Variants in GALNT13 observed in about 807,000 individuals in gnomAD.
GALNT13 encodes polypeptide N-acetylgalactosaminyltransferase 13, also known as UDP-GalNAc:polypeptide N-acetylgalactosaminyltransferase 13.
A neutral mutation model predicts 64.2 loss-of-function variants in GALNT13; 28 were observed. That is an observed-to-expected ratio of 0.44 (90% CI 0.32 to 0.60). GALNT13 has a LOEUF of 0.60. Among genes scored for constraint, GALNT13 ranks in the 20% least tolerant of loss-of-function variants. The pLI, the probability that GALNT13 is intolerant of heterozygous loss-of-function variation, is 0.05. For synonymous variants in GALNT13, 214 were observed against 224.6 expected (o/e 0.95, Z 0.42); for missense variants, 577 against 669.8 (o/e 0.86, Z 1.53).
chr2:153,739,484 G>A, the GALNT13 span, among the ~76,000 whole-genome samples: 3 of 143,290 alleles, frequency 2.1e-5, no homozygotes, highest in East Asian at 4.1e-4. Flanking sequence ...TTTCATCTTT[G>A]GTCTTCTTGA....
intron 3 of GALNT13, among the ~76,000 whole-genome samples, chr2:154,076,391 G>C (rs1558944569): frequency 6.6e-6 from 1 of 151,614 alleles, no homozygotes; most frequent in Non-Finnish European, 1.5e-5. Flanking sequence ...TGCACAAAGA[G>C]GGTGGCAAAT....
chr2:153,832,422 A>G, the GALNT13 span, among the ~76,000 whole-genome samples: 20 of 152,180 alleles, frequency 1.3e-4, no homozygotes, highest in African/African-American at 4.3e-4. Flanking sequence ...AAGTGGAGTT[A>G]TCATGGGATT....
the GALNT13 span, among the ~76,000 whole-genome samples, chr2:153,394,765 T>C: frequency 1.3e-5 from 2 of 152,288 alleles, no homozygotes; most frequent in African/African-American, 4.8e-5. Context: ...TATATTAATG[T>C]TCTGTTGCTG....
rs112863869 is a variant in GALNT13, at chr2:154,378,436, A to G, written c.1157-17555A>G. On this transcript the variant is annotated intron_variant, in intron 9 of 12. Transcript: ENST00000392825. ...TGCTATTAGGAAACGCTTGAGCTCTAGGAAATATATTTCAAAACCATTATC... is the reference window on the plus strand; with the variant it reads ...TGCTATTAGGAAACGCTTGAGCTCTGGGAAATATATTTCAAAACCATTATC... 5.1e-3 allele frequency among the ~76,000 whole-genome samples: 783 copies of G among 152,248 alleles called. 7 individuals are homozygous for G. The highest frequency in any genetic ancestry group is 0.018 in the African/African-American group (746 of 41,572).
Position 154,030,886 on chromosome 2 carries a change from C to A in GALNT13, c.142+86247C>A, listed in dbSNP as rs144415409. On this transcript the variant is annotated intron_variant, in intron 3 of 12. Transcript: ENST00000392825. ...GCCTGTGGAACTGTGTGTCAATTAA[C>A]CCTCTTTTCTTCATAAATTACCCAG... is the stretch of plus-strand genomic sequence containing the variant. Among the ~76,000 whole-genome samples, 533 of 152,180 alleles carry A rather than the reference C, an allele frequency of 3.5e-3. 4 individuals are homozygous for A. The highest frequency in any genetic ancestry group is 0.012 in the African/African-American group (499 of 41,532).
the GALNT13 span, among the ~76,000 whole-genome samples, chr2:153,534,026 A>G: frequency 2.0e-5 from 3 of 151,822 alleles, no homozygotes; most frequent in Admixed American, 2.0e-4. Context: ...GGCGTGAGCC[A>G]CCGTGCCTGG....
At chr2:153,912,042 A>G (rs375477425) in intron 2 of GALNT13, among the ~76,000 whole-genome samples, 6 of 152,222 alleles carry the variant, frequency 3.9e-5, no homozygotes, top group Admixed American at 2.0e-4. Flanking sequence ...AGGGATGTCA[A>G]TGTCATAGAT....
At chr2:153,476,841 T>C in the GALNT13 span, among the ~76,000 whole-genome samples, 1 of 152,206 alleles carries the variant, frequency 6.6e-6, no homozygotes, top group South Asian at 2.1e-4. Flanking sequence ...CCTTAGCAGC[T>C]ACTTTTCCTC....
At chr2:154,080,889 T>C (rs1463164915) in intron 3 of GALNT13, among the ~76,000 whole-genome samples, 1 of 151,614 alleles carries the variant, frequency 6.6e-6, no homozygotes, top group Non-Finnish European at 1.5e-5. Context: ...CTTAAACATG[T>C]TATCCATCTA....
At chr2:153,856,616 A>G in the GALNT13 span, among the ~76,000 whole-genome samples, 1 of 152,174 alleles carries the variant, frequency 6.6e-6, no homozygotes, top group Admixed American at 6.5e-5. Flanking sequence ...TGAAAAGACA[A>G]AATTTCTTGT....
chr2:153,982,842 G>GA (rs200362213), intron 3 of GALNT13, among the ~76,000 whole-genome samples: 9,606 of 151,510 alleles, frequency 0.063, 404 homozygotes, highest in Middle Eastern at 0.13. Flanking sequence ...TCTGTCTGGG[G>GA]AAAAAAAAGA....
chr2:153,279,745 A>G, the GALNT13 span, among the ~76,000 whole-genome samples: 1 of 152,032 alleles, frequency 6.6e-6, no homozygotes, highest in Admixed American at 6.6e-5. Flanking sequence ...TTGATGTGCT[A>G]CTGGATTCAG....
chr2:153,187,605 C>A, the GALNT13 span: 8 of 152,072 alleles, frequency 5.3e-5, no homozygotes, highest in Admixed American at 2.6e-4. Context: ...AAACATGAGA[C>A]CTCCTATTCT....
chr2:154,316,744 G>T (rs549198929), intron 9 of GALNT13, among the ~76,000 whole-genome samples: 1 of 152,104 alleles, frequency 6.6e-6, no homozygotes, highest in African/African-American at 2.4e-5. Flanking sequence ...CAGTGTGGGG[G>T]TCTTACCCTG....
chr2:153,538,326 C>CTT, the GALNT13 span, among the ~76,000 whole-genome samples: 3 of 100,846 alleles, frequency 3.0e-5, no homozygotes, highest in Non-Finnish European at 6.5e-5. Flanking sequence ...TTTTTTAATT[C>CTT]TTTTTTTTTT....
chr2:153,812,997 A>T, the GALNT13 span, among the ~76,000 whole-genome samples: 5 of 152,142 alleles, frequency 3.3e-5, no homozygotes, highest in African/African-American at 7.2e-5. Context: ...AAAATGATCA[A>T]AGTGGTTTCC....
the GALNT13 span, among the ~76,000 whole-genome samples, chr2:153,119,640 T>A: frequency 6.6e-6 from 1 of 152,232 alleles, no homozygotes; most frequent in Non-Finnish European, 1.5e-5. Flanking sequence ...TAAGGTTCTT[T>A]GAGTTTTCTG....
the GALNT13 span, among the ~76,000 whole-genome samples, chr2:153,656,505 A>G: frequency 6.6e-6 from 1 of 152,138 alleles, no homozygotes; most frequent in Non-Finnish European, 1.5e-5. Flanking sequence ...CTTGAAACCA[A>G]CACTAGAACT....
At chr2:153,693,636 G>T in the GALNT13 span, among the ~76,000 whole-genome samples, 1 of 151,974 alleles carries the variant, frequency 6.6e-6, no homozygotes, top group Non-Finnish European at 1.5e-5. Context: ...AGGAGAAAGG[G>T]CAAGCAGGAG....
Sources: gnomAD v4.1 joint callset for allele counts (sites outside exome capture counted in the v4.1 genomes callset) on GRCh38, gnomAD v4.1.1 for gene constraint, MANE v1.5 for transcripts, NCBI Gene and HGNC (gene_info 2026-07-23, HGNC 2026-07-21) for gene names.